CTNNA3: variants seen among roughly 807,000 people sequenced by gnomAD.
The protein encoded by CTNNA3 is catenin alpha-3.
A neutral mutation model predicts 95.7 loss-of-function variants in CTNNA3; 76 were observed. The ratio of observed to expected loss-of-function variants is 0.79; its 90% CI spans 0.66 to 0.96. CTNNA3 has a LOEUF of 0.96. Ranked by LOEUF, CTNNA3 falls within the 40% of genes least tolerant of loss-of-function variation. CTNNA3 has a pLI of 0.00. For missense variants in CTNNA3, 1,191 were observed against 1,089.8 expected (o/e 1.09, Z -1.31); for synonymous variants, 431 against 374.4 (o/e 1.15, Z -1.74).
At chr10:66,479,265 C>T (rs888082555) in intron 11 of CTNNA3, among the ~76,000 whole-genome samples, 1 of 150,932 alleles carries the variant, frequency 6.6e-6, no homozygotes, top group African/African-American at 2.4e-5. Context: ...AGTCTATATC[C>T]TCAATTTGTA....
At chr10:67,481,096 AT>A (rs953192840) in intron 5 of CTNNA3, among the ~76,000 whole-genome samples, 4 of 151,964 alleles carry the variant, frequency 2.6e-5, no homozygotes, top group African/African-American at 9.6e-5. Flanking sequence ...GGTGAATCAC[AT>A]TTTTTTTGTA....
rs561618520 is a variant in CTNNA3, at chr10:67,079,809, C to A, written c.1047+100508G>T. 1.1e-4 allele frequency among the ~76,000 whole-genome samples: 16 copies of A among 151,854 alleles called. No individual in the cohort carries two copies. The East Asian group carries it at 2.0e-3, about 19-fold the overall frequency. On this transcript the variant is annotated intron_variant, in intron 7 of 17. Transcript: ENST00000433211. ...GTTGCAGTGAGCTGAGATTGCACCA[C>A]TGAACTCCAGCCTGGGTGGCACAGC...
intron 10 of CTNNA3, among the ~76,000 whole-genome samples, chr10:66,601,013 G>A (rs1285593599): frequency 6.6e-6 from 1 of 151,720 alleles, no homozygotes; most frequent in Non-Finnish European, 1.5e-5. Flanking sequence ...TAACTTTGGA[G>A]TAGTCACCTA....
At chr10:66,344,269 G>A (rs1057441889) in intron 12 of CTNNA3, among the ~76,000 whole-genome samples, 3 of 149,958 alleles carry the variant, frequency 2.0e-5, no homozygotes, top group African/African-American at 7.3e-5. Context: ...TGTTGTTGTT[G>A]TTGTTTGTTT....
At position 67,255,033 on chromosome 10, in the gene CTNNA3, C is replaced by T. The variant is rs550584733; in HGVS notation, c.580-35163G>A. ...ATTTCTGGCCGGGCATGGTGGCTCACGACTGTAATCCCAGCACTTTGGGAG... is the reference window on the plus strand; with the variant it reads ...ATTTCTGGCCGGGCATGGTGGCTCATGACTGTAATCCCAGCACTTTGGGAG... On this transcript the variant is annotated intron_variant, in intron 5 of 17. Coordinates refer to ENST00000433211, the MANE Select transcript of CTNNA3 (RefSeq NM_013266.4). Among the ~76,000 whole-genome samples, 8 of 152,240 alleles carry T rather than the reference C, an allele frequency of 5.3e-5. No homozygotes were observed. In the East Asian group the frequency reaches 5.8e-4, roughly 11 times the overall value.
intron 11 of CTNNA3, among the ~76,000 whole-genome samples, chr10:66,491,987 C>T (rs909527567): frequency 6.6e-5 from 10 of 151,968 alleles, no homozygotes; most frequent in Non-Finnish European, 1.0e-4. Flanking sequence ...CTAATCAATC[C>T]ACCAGGGATT....
chr10:67,264,834 G>A (rs1043285605), intron 5 of CTNNA3, among the ~76,000 whole-genome samples: 2 of 152,076 alleles, frequency 1.3e-5, no homozygotes, highest in African/African-American at 4.8e-5. Flanking sequence ...TCAACAGTTG[G>A]ATAAACTTTC....
intron 7 of CTNNA3, among the ~76,000 whole-genome samples, chr10:66,871,828 T>G (rs1269906241): frequency 6.6e-6 from 1 of 152,200 alleles, no homozygotes; most frequent in East Asian, 1.9e-4. Context: ...AGGATAATTT[T>G]CTTTGACTAT....
intron 7 of CTNNA3, among the ~76,000 whole-genome samples, chr10:67,137,040 C>G (rs1289199857): frequency 6.6e-6 from 1 of 152,122 alleles, no homozygotes; most frequent in African/African-American, 2.4e-5. Context: ...ACTTGCTCCT[C>G]TGGGTAGCTG....
At chr10:67,439,855 T>G (rs1319506172) in intron 5 of CTNNA3, among the ~76,000 whole-genome samples, 2 of 152,146 alleles carry the variant, frequency 1.3e-5, no homozygotes, top group Non-Finnish European at 2.9e-5. Flanking sequence ...GCCATGGGCC[T>G]TGGGTGAAAC....
In CTNNA3 at chr10:66,811,766, C is replaced by A. The variant is rs371944710; in HGVS notation, c.1048-36242G>T. On this transcript the variant is annotated intron_variant, in intron 7 of 17. Transcript: ENST00000433211. Reference sequence around the variant, plus strand: ...TTTTTTAATTCTCTCAATAACCAAGCAAGATAGAAACTGTCATTCCCATGT... The same window carrying A: ...TTTTTTAATTCTCTCAATAACCAAGAAAGATAGAAACTGTCATTCCCATGT... 1.2e-4 allele frequency among the ~76,000 whole-genome samples: 18 copies of A among 152,280 alleles called. No individual in the cohort carries two copies. The East Asian group carries it at 2.9e-3, about 24-fold the overall frequency.
chr10:67,746,119 C>T (rs912971327), intron 1 of CTNNA3, among the ~76,000 whole-genome samples: 3 of 152,052 alleles, frequency 2.0e-5, no homozygotes, highest in African/African-American at 4.8e-5. Context: ...TAGCCAAAGA[C>T]GTCCTGAGGA....
intron 15 of CTNNA3, among the ~76,000 whole-genome samples, chr10:66,058,876 A>G (rs1162463661): frequency 6.6e-6 from 1 of 152,180 alleles, no homozygotes. Flanking sequence ...AATGCAGCAT[A>G]CATGCTTTCT....
chr10:67,270,316 G>C (rs976403951), intron 5 of CTNNA3, among the ~76,000 whole-genome samples: 9 of 151,882 alleles, frequency 5.9e-5, no homozygotes, highest in African/African-American at 2.2e-4. Flanking sequence ...CTTTTTAAAA[G>C]GATAAAAGCA....
chr10:67,718,679 C>T (rs1451989163), intron 1 of CTNNA3, among the ~76,000 whole-genome samples: 2 of 152,106 alleles, frequency 1.3e-5, no homozygotes, highest in African/African-American at 4.8e-5. Context: ...GGTAGATAAG[C>T]TTTTTGATGT....
At chr10:66,380,724 T>C (rs1007165190) in intron 11 of CTNNA3, among the ~76,000 whole-genome samples, 3 of 151,594 alleles carry the variant, frequency 2.0e-5, no homozygotes, top group Non-Finnish European at 2.9e-5. Context: ...ATATATTTCA[T>C]AATGATATGT....
chr10:67,658,448 T>C (rs1840088108), intron 1 of CTNNA3, among the ~76,000 whole-genome samples: 2 of 152,204 alleles, frequency 1.3e-5, no homozygotes, highest in African/African-American at 2.4e-5. Context: ...CTCATAATTA[T>C]TATTCAAGAG....
At chr10:66,542,215 C>T (rs563893212) in intron 10 of CTNNA3, among the ~76,000 whole-genome samples, 135 of 152,170 alleles carry the variant, frequency 8.9e-4, no homozygotes, top group Non-Finnish European at 1.5e-3. Context: ...GTTAGAATGG[C>T]AATCATTAAA....
chr10:67,006,281 C>T (rs1197944330), intron 7 of CTNNA3, among the ~76,000 whole-genome samples: 1 of 152,072 alleles, frequency 6.6e-6, no homozygotes, highest in Non-Finnish European at 1.5e-5. Flanking sequence ...CACCACTTAA[C>T]TATTAAGTGG....
Sources: allele counts gnomAD v4.1 joint callset (sites outside exome capture counted in the v4.1 genomes callset), GRCh38; gene constraint gnomAD v4.1.1; transcripts MANE v1.5; gene names NCBI Gene and HGNC (gene_info 2026-07-23, HGNC 2026-07-21).